Variants in HS2ST1 observed in about 807,000 individuals in gnomAD.
HS2ST1 encodes 2-O-sulfotransferase.
A neutral mutation model predicts 42.9 loss-of-function variants in HS2ST1; 18 were observed. The observed-to-expected ratio is 0.42, with a 90% confidence interval of 0.29 to 0.62. The LOEUF (loss-of-function observed/expected upper bound fraction) is 0.62, where lower values mean the gene tolerates loss of function less well. Among genes scored for constraint, HS2ST1 ranks in the 20% least tolerant of loss-of-function variants. The pLI is 0.21. For missense variants in HS2ST1, 334 were observed against 433.8 expected, an observed-to-expected ratio of 0.77 and a Z score of 2.04; for synonymous variants, 146 against 152.9, an observed-to-expected ratio of 0.95 and a Z score of 0.33.
chr1:87,008,908 A>G (rs945568261), intron 1 of HS2ST1, among the ~76,000 whole-genome samples: 13 of 152,238 alleles, frequency 8.5e-5, no homozygotes, highest in African/African-American at 2.6e-4. Context: ...CAGTGGTGCA[A>G]TCATGGCTCA....
intron 4 of HS2ST1, among the ~76,000 whole-genome samples, chr1:87,096,504 G>A (rs1246684964): frequency 6.6e-6 from 1 of 152,144 alleles, no homozygotes; most frequent in Non-Finnish European, 1.5e-5. Flanking sequence ...GCAGATACAA[G>A]TTTTCCAAAA....
chr1:87,018,037 C>T (rs180747727), intron 1 of HS2ST1, among the ~76,000 whole-genome samples: 18 of 152,038 alleles, frequency 1.2e-4, no homozygotes, highest in Non-Finnish European at 2.5e-4. Context: ...TTCCATTTCC[C>T]AAGGTAAAAC....
At chr1:87,055,626 C>T (rs1028510868) in intron 1 of HS2ST1, among the ~76,000 whole-genome samples, 1 of 152,194 alleles carries the variant, frequency 6.6e-6, no homozygotes, top group African/African-American at 2.4e-5. Flanking sequence ...TCTGAAAGTG[C>T]AGTCCATGTA....
At chr1:86,947,267 G>A (rs567147184) in intron 1 of HS2ST1, among the ~76,000 whole-genome samples, 1 of 152,352 alleles carries the variant, frequency 6.6e-6, no homozygotes, top group South Asian at 2.1e-4. Flanking sequence ...AGGCAGAAAT[G>A]TGAGAGAGCA....
At chr1:87,055,636 A>C (rs12066353) in intron 1 of HS2ST1, among the ~76,000 whole-genome samples, 18,410 of 152,232 alleles carry the variant, frequency 0.12, 1,207 homozygotes, top group African/African-American at 0.14. Flanking sequence ...CAGTCCATGT[A>C]CCATAGGGAT....
chr1:86,914,793 C>G lies in HS2ST1; in HGVS notation c.-244C>G. The stretch of plus-strand genomic sequence containing the variant: ...CAGCCGCTTCGCGCTGTTTGCTGCG[C>G]GGGCTTTTGGAGGGGGCGGCCGTTT... On this transcript the variant is annotated 5_prime_UTR_variant, in exon 1 of 7. Coordinates refer to ENST00000370550, the MANE Select transcript of HS2ST1 (RefSeq NM_012262.4). The G allele has an allele frequency of 1.9e-6, 1 of 537,888 alleles. No individual in the cohort carries two copies. The highest frequency in any genetic ancestry group is 2.1e-5 in the South Asian group (1 of 46,990). 33.3% of individuals were successfully genotyped at this position (537,888 alleles called of 1,614,324 possible).
intron 1 of HS2ST1, among the ~76,000 whole-genome samples, chr1:86,987,220 C>T (rs1221820372): frequency 6.6e-6 from 1 of 151,902 alleles, no homozygotes; most frequent in Non-Finnish European, 1.5e-5. Flanking sequence ...CAGGTGCCCA[C>T]TGCCTGCCGC....
chr1:87,081,951 CGACAGCAA>C (rs1241398649), intron 2 of HS2ST1, among the ~76,000 whole-genome samples: 1 of 136,526 alleles, frequency 7.3e-6, no homozygotes, highest in Non-Finnish European at 1.5e-5. Flanking sequence ...TCCAGCCTGG[CGACAGCAA>C]GACTCCGTCT....
In HS2ST1 at chr1:86,969,063, G is replaced by A. The variant is rs149819897; in HGVS notation, c.124+53903G>A. 1.2e-4 allele frequency among the ~76,000 whole-genome samples: 19 copies of A among 152,290 alleles called. No homozygotes were observed. The East Asian group carries it at 3.5e-3, about 28-fold the overall frequency. Reference sequence around the variant, plus strand: ...AAATATATGATTTCTTGACATATATGCATGTCAAAGTATGTACTAAATATA... The same window carrying A: ...AAATATATGATTTCTTGACATATATACATGTCAAAGTATGTACTAAATATA... On this transcript the variant is annotated intron_variant, in intron 1 of 6. Coordinates refer to ENST00000370550, the MANE Select transcript of HS2ST1 (RefSeq NM_012262.4).
chr1:87,037,721 AC>A (rs1473956516), intron 1 of HS2ST1, among the ~76,000 whole-genome samples: 1 of 151,756 alleles, frequency 6.6e-6, no homozygotes, highest in Non-Finnish European at 1.5e-5. Flanking sequence ...GTGTAACCAT[AC>A]ATTTTTAAAT....
At chr1:87,042,942 G>A (rs921857439) in intron 1 of HS2ST1, among the ~76,000 whole-genome samples, 9 of 152,094 alleles carry the variant, frequency 5.9e-5, no homozygotes, top group Non-Finnish European at 1.3e-4. Context: ...TATAAAGCAT[G>A]TCTGAAACCC....
At chr1:86,992,937 T>TG in intron 1 of HS2ST1, 2 of 752,976 alleles carry the variant, frequency 2.7e-6, no homozygotes, top group East Asian at 5.6e-5. Context: ...TGTAATAAAC[T>TG]GGGGGAAACT....
At chr1:86,975,663 T>C (rs1318735745) in intron 1 of HS2ST1, among the ~76,000 whole-genome samples, 1 of 152,172 alleles carries the variant, frequency 6.6e-6, no homozygotes, top group East Asian at 1.9e-4. Flanking sequence ...AATTTAAATC[T>C]GAGGTAATTT....
chr1:87,024,720 G>GGTGA (rs1650042448), intron 1 of HS2ST1, among the ~76,000 whole-genome samples: 1 of 152,096 alleles, frequency 6.6e-6, no homozygotes, highest in African/African-American at 2.4e-5. Flanking sequence ...CTCAATAAAT[G>GGTGA]GTGACAATTG....
intron 1 of HS2ST1, among the ~76,000 whole-genome samples, chr1:86,985,242 C>A (rs1465924043): frequency 6.7e-6 from 1 of 148,286 alleles, no homozygotes; most frequent in Non-Finnish European, 1.5e-5. Flanking sequence ...GTAGTCCCAG[C>A]TACTCGGGAG....
At chr1:87,020,412 C>G (rs972434527) in intron 1 of HS2ST1, among the ~76,000 whole-genome samples, 1 of 152,204 alleles carries the variant, frequency 6.6e-6, no homozygotes, top group Non-Finnish European at 1.5e-5. Flanking sequence ...ACATGCAGTG[C>G]TGAAATGAAT....
chr1:86,923,632 A>G (rs1660350895), intron 1 of HS2ST1, among the ~76,000 whole-genome samples: 1 of 152,100 alleles, frequency 6.6e-6, no homozygotes, highest in Admixed American at 6.5e-5. Context: ...TCCTGACCTC[A>G]TGATCCACCC....
chr1:86,946,644 A>G (rs1271327469), intron 1 of HS2ST1, among the ~76,000 whole-genome samples: 2 of 152,204 alleles, frequency 1.3e-5, no homozygotes, highest in Non-Finnish European at 2.9e-5. Context: ...TCAGTTTAAG[A>G]GCATCTTTAA....
chr1:86,983,441 ACTAT>A (rs1335022685), intron 1 of HS2ST1, among the ~76,000 whole-genome samples: 1 of 152,064 alleles, frequency 6.6e-6, no homozygotes, highest in Non-Finnish European at 1.5e-5. Context: ...CCACTTTTTA[ACTAT>A]CAGATCTTGC....
Sources: gnomAD v4.1 joint callset for allele counts (sites outside exome capture counted in the v4.1 genomes callset) on GRCh38, gnomAD v4.1.1 for gene constraint, MANE v1.5 for transcripts, NCBI Gene and HGNC (gene_info 2026-07-23, HGNC 2026-07-21) for gene names.